Variants in CELF1 observed in about 807,000 individuals in gnomAD.
The protein encoded by CELF1 is 50 kDa nuclear polyadenylated RNA-binding protein.
A neutral mutation model predicts 61.8 loss-of-function variants in CELF1; 10 were observed. That is an observed-to-expected ratio of 0.16 (90% CI 0.10 to 0.27). The LOEUF (loss-of-function observed/expected upper bound fraction) is 0.27. CELF1 is among the 10% of genes least tolerant of loss of function. The pLI, the probability that CELF1 is intolerant of heterozygous loss-of-function variation, is 1.00. For missense variants in CELF1, 380 were observed against 639.1 expected (o/e 0.59, Z 4.37); for synonymous variants, 236 against 225.1 (o/e 1.05, Z -0.43).
intron 1 of CELF1, among the ~76,000 whole-genome samples, chr11:47,542,181 C>A (rs939725248): frequency 1.3e-5 from 2 of 152,084 alleles, no homozygotes; most frequent in Non-Finnish European, 2.9e-5. Context: ...ACCAGCCTAG[C>A]CAACATGGTG....
intron 1 of CELF1, among the ~76,000 whole-genome samples, chr11:47,506,588 A>AC (rs1180996079): frequency 6.6e-6 from 1 of 152,236 alleles, no homozygotes; most frequent in African/African-American, 2.4e-5. Context: ...ACACACGCTC[A>AC]CCGCAACAGC....
intron 1 of CELF1, among the ~76,000 whole-genome samples, chr11:47,531,750 G>C (rs550452508): frequency 6.6e-6 from 1 of 152,274 alleles, no homozygotes; most frequent in Non-Finnish European, 1.5e-5. Flanking sequence ...TTTGAGGCCT[G>C]TTTTGATATT....
rs1447447558 is a variant in CELF1 at position 47,499,504 on chromosome 11, T to A, written c.20A>T (p.Asp7Val). 6.5e-7 allele frequency: 1 copy of A among 1,535,946 alleles called. No individual in the cohort carries two copies. Among genetic ancestry groups the A allele is most frequent in the Admixed American group, 2.0e-5 (1 of 50,992 alleles). Residue 7 changes from aspartate (D) to valine (V), a missense_variant, in exon 3 of 15, where the codon GAT (aspartate) becomes GTT (valine). Asp to Val is a radical substitution (Grantham distance 152). Transcript: ENST00000687097. ...ATCCACCATCATTTCTGGAAGGAAA[T>A]CCAACTTAAACGCAGCCATCACCTC... MAAFKLDFLPEMMVDHC... is the reference protein window; with the variant it reads MAAFKLVFLPEMMVDHC...
At chr11:47,517,316 A>G (rs1210263802) in intron 1 of CELF1, among the ~76,000 whole-genome samples, 27 of 152,098 alleles carry the variant, frequency 1.8e-4, no homozygotes, top group Admixed American at 1.8e-3. Flanking sequence ...CAGTTCTAGA[A>G]ATATAGTTTA....
At chr11:47,560,154 G>A (rs2097220919) in intron 2 of CELF1, among the ~76,000 whole-genome samples, 1 of 152,042 alleles carries the variant, frequency 6.6e-6, no homozygotes, top group South Asian at 2.1e-4. Flanking sequence ...AGCTGGGCGT[G>A]GTGGTGCACG....
intron 1 of CELF1, among the ~76,000 whole-genome samples, chr11:47,530,833 T>C (rs1027631228): frequency 1.3e-5 from 2 of 151,958 alleles, no homozygotes; most frequent in African/African-American, 4.8e-5. Context: ...CATGTGCCTG[T>C]AGTGCCAGCT....
At chr11:47,483,723 A>C (rs1026159983) in intron 7 of CELF1, among the ~76,000 whole-genome samples, 191 bp from the exon 8 acceptor site, 3 of 152,232 alleles carry the variant, frequency 2.0e-5, no homozygotes, top group Non-Finnish European at 4.4e-5. Flanking sequence ...TGACAGAAAA[A>C]AAAAATGCTT....
At chr11:47,565,388 C>A in exon 1 of CELF1, 1 of 296,078 alleles carries the variant, frequency 3.4e-6, no homozygotes, top group Non-Finnish European at 6.1e-6. Context: ...GCTCTCCCTT[C>A]GCCGGGGTCC....
intron 1 of CELF1, among the ~76,000 whole-genome samples, chr11:47,508,372 C>T (rs917489361): frequency 6.6e-6 from 1 of 151,914 alleles, no homozygotes; most frequent in Non-Finnish European, 1.5e-5. Context: ...CCCTCTGAGA[C>T]GAGACTCAGA....
chr11:47,511,179 G>A (rs980271049), intron 1 of CELF1, among the ~76,000 whole-genome samples: 3 of 152,090 alleles, frequency 2.0e-5, no homozygotes, highest in East Asian at 1.9e-4. Context: ...GAGCAAGATC[G>A]TCTCAAAAAC....
chr11:47,494,786 C>T (rs555027552), intron 3 of CELF1, among the ~76,000 whole-genome samples: 85 of 152,328 alleles, frequency 5.6e-4, no homozygotes, highest in African/African-American at 1.9e-3. Flanking sequence ...TATAGCTGCA[C>T]TGAGCAATAC....
chr11:47,558,585 AT>A (rs2153790104), intron 2 of CELF1, among the ~76,000 whole-genome samples: 1 of 101,650 alleles, frequency 9.8e-6, no homozygotes, highest in African/African-American at 4.1e-5. Context: ...ATATATATAT[AT>A]ATTTATATTA....
At chr11:47,560,939 C>T (rs2097222876) in intron 2 of CELF1, among the ~76,000 whole-genome samples, 1 of 151,970 alleles carries the variant, frequency 6.6e-6, no homozygotes, top group South Asian at 2.1e-4. Flanking sequence ...GAGATCGAGA[C>T]CATCCTGGCT....
chr11:47,521,393 TAAC>T (rs1045098031), intron 1 of CELF1, among the ~76,000 whole-genome samples: 2 of 152,196 alleles, frequency 1.3e-5, no homozygotes, highest in Admixed American at 1.3e-4. Context: ...TAATCTCAAA[TAAC>T]AAAGTGTGCT....
intron 2 of CELF1, among the ~76,000 whole-genome samples, chr11:47,558,349 T>C (rs1292839350): frequency 6.7e-6 from 1 of 149,254 alleles, no homozygotes; most frequent in East Asian, 1.9e-4. Flanking sequence ...TTTATATATA[T>C]AATCAGAAAA....
chr11:47,558,512 A>T (rs1406771228), intron 2 of CELF1, among the ~76,000 whole-genome samples: 1 of 121,180 alleles, frequency 8.3e-6, no homozygotes, highest in Admixed American at 1.0e-4. Flanking sequence ...TATTATATAA[A>T]TAATATATGT....
intron 1 of CELF1, among the ~76,000 whole-genome samples, chr11:47,509,198 C>G (rs747658576): frequency 3.9e-5 from 6 of 152,200 alleles, no homozygotes; most frequent in Non-Finnish European, 7.3e-5. Context: ...AAACTAAAAG[C>G]TTTGACTGTT....
At chr11:47,473,916 T>C (rs1455728677) in intron 13 of CELF1, among the ~76,000 whole-genome samples, 2 of 136,534 alleles carry the variant, frequency 1.5e-5, no homozygotes, top group Non-Finnish European at 3.1e-5. Context: ...TTTTTCTTTC[T>C]TTTTTTTTGA....
intron 1 of CELF1, among the ~76,000 whole-genome samples, chr11:47,533,706 A>T (rs909385979): frequency 6.7e-6 from 1 of 148,216 alleles, no homozygotes; most frequent in Non-Finnish European, 1.5e-5. Flanking sequence ...GCTACTTGGG[A>T]GGCTAAGGCA....
Sources: allele counts gnomAD v4.1 joint callset (sites outside exome capture counted in the v4.1 genomes callset), GRCh38; gene constraint gnomAD v4.1.1; transcripts MANE v1.5; gene names NCBI Gene and HGNC (gene_info 2026-07-23, HGNC 2026-07-21).